The following FOXP2 variants were observed in gnomAD, a reference collection of about 807,000 sequenced individuals.
FOXP2 encodes the protein forkhead box protein P2.
FOXP2 carries 12 observed loss-of-function variants against 115.8 expected under a neutral mutation model. The observed-to-expected ratio is 0.10, with a 90% CI of 0.07 to 0.17. The LOEUF is 0.17. Ranked by LOEUF, FOXP2 falls within the 10% of genes least tolerant of loss-of-function variation. FOXP2 has a pLI of 1.00. For synonymous variants in FOXP2, 328 were observed against 297.7 expected (o/e 1.10, Z -1.05); for missense variants, 629 against 843.5 (o/e 0.75, Z 3.15).
chr7:114,562,575 C>A (rs966069480), intron 3 of FOXP2, among the ~76,000 whole-genome samples: 1 of 152,142 alleles, frequency 6.6e-6, no homozygotes, highest in Admixed American at 6.5e-5. Flanking sequence ...AGGCCAATTT[C>A]TCTTCCTGTG....
chr7:114,671,814 A>G (rs1807500169), intron 16 of FOXP2, among the ~76,000 whole-genome samples: 1 of 152,224 alleles, frequency 6.6e-6, no homozygotes, highest in Admixed American at 6.5e-5. Context: ...GTCAACTGTT[A>G]TTTCAGAATA....
At chr7:114,564,056 C>T (rs1800881103) in intron 3 of FOXP2, among the ~76,000 whole-genome samples, 1 of 152,082 alleles carries the variant, frequency 6.6e-6, no homozygotes, top group Non-Finnish European at 1.5e-5. Context: ...ATGCTTTCTA[C>T]TTGTCAAAAA....
chr7:114,447,268 C>T (rs1381900457), intron 2 of FOXP2, among the ~76,000 whole-genome samples: 1 of 152,126 alleles, frequency 6.6e-6, no homozygotes, highest in Non-Finnish European at 1.5e-5. Flanking sequence ...AATAGCCTCT[C>T]CTGTCTGGTT....
At chr7:114,559,174 A>T (rs938353096) in intron 3 of FOXP2, among the ~76,000 whole-genome samples, 2 of 152,164 alleles carry the variant, frequency 1.3e-5, no homozygotes, top group Non-Finnish European at 2.9e-5. Context: ...CTCTCTCAAA[A>T]TATAATAACT....
At chr7:114,455,945 A>G (rs1052426276) in intron 2 of FOXP2, among the ~76,000 whole-genome samples, 2 of 152,124 alleles carry the variant, frequency 1.3e-5, no homozygotes, top group Non-Finnish European at 2.9e-5. Flanking sequence ...TGCATATAGC[A>G]CACCATTTTG....
chr7:114,471,043 A>G (rs1257830794), intron 2 of FOXP2, among the ~76,000 whole-genome samples: 1 of 151,952 alleles, frequency 6.6e-6, no homozygotes, highest in East Asian at 1.9e-4. Context: ...TTAACTACCC[A>G]TTCTTCTGCA....
intron 1 of FOXP2, among the ~76,000 whole-genome samples, chr7:114,152,703 C>G: frequency 6.6e-6 from 1 of 152,124 alleles, no homozygotes; most frequent in African/African-American, 2.4e-5. Flanking sequence ...TTTTGGAAGA[C>G]TGCCCGTGAT....
chr7:114,423,792 C>T (rs1793720234), intron 1 of FOXP2, among the ~76,000 whole-genome samples: 1 of 151,554 alleles, frequency 6.6e-6, no homozygotes, highest in Non-Finnish European at 1.5e-5. Context: ...CCAAGAGAAA[C>T]TTAGTAAATG....
rs748583345 is a variant in FOXP2, at chr7:114,628,611, A to G, written c.330A>G (p.Gln110=). 4.3e-6 allele frequency: 7 copies of G among 1,614,106 alleles called. No homozygotes were observed. Among genetic ancestry groups the G allele is most frequent in the Admixed American group, 1.7e-5 (1 of 59,998 alleles). Residue 110 remains glutamine, a synonymous_variant, in exon 4 of 17, where the codon CAA becomes CAG. Coordinates refer to ENST00000350908, the MANE Select transcript of FOXP2 (RefSeq NM_014491.4). ...AGCAAATGCAGCAGATCCTTCAGCA[A>G]CAAGTCCTGTCTCCTCAGCAGCTAC... ...TPQQMQQILQ[Q]QVLSPQQLQA...
chr7:114,189,881 C>CT (rs1793711467), intron 1 of FOXP2, among the ~76,000 whole-genome samples: 1 of 151,936 alleles, frequency 6.6e-6, no homozygotes, highest in Non-Finnish European at 1.5e-5. Flanking sequence ...TAGTCTTGTT[C>CT]TTTTTTTGGC....
At chr7:114,306,809 T>G (rs1256013249) in intron 2 of FOXP2, among the ~76,000 whole-genome samples, 1 of 152,114 alleles carries the variant, frequency 6.6e-6, no homozygotes, top group South Asian at 2.1e-4. Context: ...TTCTAGAGGC[T>G]GCCTACATTT....
intron 2 of FOXP2, among the ~76,000 whole-genome samples, chr7:114,303,242 T>C (rs1423670705): frequency 6.6e-6 from 1 of 152,202 alleles, no homozygotes; most frequent in Non-Finnish European, 1.5e-5. Context: ...TTTTGAAGGA[T>C]AAAATTGAGC....
intron 2 of FOXP2, among the ~76,000 whole-genome samples, chr7:114,501,510 A>G (rs1302105543): frequency 2.0e-5 from 3 of 152,094 alleles, no homozygotes; most frequent in East Asian, 1.9e-4. Flanking sequence ...AGATAACTGT[A>G]TCTTCTTCAG....
intron 2 of FOXP2, among the ~76,000 whole-genome samples, chr7:114,468,051 C>T (rs998361737): frequency 2.6e-5 from 4 of 152,254 alleles, no homozygotes; most frequent in African/African-American, 9.6e-5. Flanking sequence ...ATGACCTGAA[C>T]TTTTCTATTT....
At chr7:114,647,382 T>C (rs886153258) in intron 8 of FOXP2, among the ~76,000 whole-genome samples, 16 of 151,216 alleles carry the variant, frequency 1.1e-4, no homozygotes, top group African/African-American at 3.9e-4. Context: ...TATATATTTA[T>C]GTATCGTATA....
At chr7:114,288,968 A>G (rs1796529022) in intron 2 of FOXP2, among the ~76,000 whole-genome samples, 1 of 151,860 alleles carries the variant, frequency 6.6e-6, no homozygotes, top group Admixed American at 6.6e-5. Flanking sequence ...GAGTTTCACC[A>G]TGAGCATAGT....
At chr7:114,625,735 C>A (rs963385663) in intron 3 of FOXP2, among the ~76,000 whole-genome samples, 3 of 151,674 alleles carry the variant, frequency 2.0e-5, no homozygotes, top group African/African-American at 7.2e-5. Flanking sequence ...ATATTACTGA[C>A]CTTTGTTGTA....
chr7:114,561,311 C>A (rs1450662258), intron 3 of FOXP2: 1 of 151,636 alleles, frequency 6.6e-6, no homozygotes, highest in Non-Finnish European at 1.5e-5. Context: ...TTTTTTTTCT[C>A]GAAGAATTTT....
At chr7:114,627,611 C>G (rs1804664917) in intron 3 of FOXP2, among the ~76,000 whole-genome samples, 1 of 152,054 alleles carries the variant, frequency 6.6e-6, no homozygotes, top group Non-Finnish European at 1.5e-5. Flanking sequence ...CTAGCTTGTC[C>G]TTTTTCTACG....
Sources: allele counts gnomAD v4.1 joint callset (sites outside exome capture counted in the v4.1 genomes callset), GRCh38; gene constraint gnomAD v4.1.1; transcripts MANE v1.5; gene names NCBI Gene and HGNC (gene_info 2026-07-23, HGNC 2026-07-21).